ACVR2B: variants seen among roughly 807,000 people sequenced by gnomAD.
ACVR2B encodes the protein activin receptor type-2B.
ACVR2B carries 18 observed loss-of-function variants against 65.1 expected under a neutral mutation model. That is an observed-to-expected ratio of 0.28 (90% confidence interval 0.19 to 0.41). The LOEUF is 0.41. Ranked by LOEUF, ACVR2B falls within the 10% of genes least tolerant of loss-of-function variation. The probability of loss-of-function intolerance (pLI) is 1.00; values close to 1 mark genes in which losing one functional copy is unlikely to be tolerated. For missense variants in ACVR2B, 482 were observed against 682.7 expected, an observed-to-expected ratio of 0.71 and a Z score of 3.28; for synonymous variants, 298 against 277.7, an observed-to-expected ratio of 1.07 and a Z score of -0.73.
rs200501230 is a variant in ACVR2B, at chr3:38,479,695, C to A, written c.828C>A (p.Tyr276Ter). Residue 276 changes from tyrosine (Y) to a stop codon, truncating the protein, a stop_gained, in exon 7 of 11, where the codon TAC becomes TAA. Transcript: ENST00000352511. LOFTEE classifies it high-confidence loss of function. ...TCTCTCAGGGCTCCCTCACGGATTACCTCAAGGGGAACATCATCACATGGA... is the reference window on the plus strand; with the variant it reads ...TCTCTCAGGGCTCCCTCACGGATTAACTCAAGGGGAACATCATCACATGGA... ...AFHDKGSLTD[Y>*]LKGNIITWNE... 1 of 1,614,204 alleles carries A rather than the reference C, an allele frequency of 6.2e-7. No homozygotes were observed. Among genetic ancestry groups the A allele is most frequent in the Non-Finnish European group, 8.5e-7 (1 of 1,180,044 alleles).
In ACVR2B at chr3:38,486,729, T is replaced by C. The variant is rs1448675371; in HGVS notation, c.*3397T>C. 1 of 152,192 alleles carries C rather than the reference T, an allele frequency of 6.6e-6. No individual in the cohort carries two copies. The highest frequency in any genetic ancestry group is 2.4e-5 in the African/African-American group (1 of 41,418). 9.4% of individuals were successfully genotyped at this position (152,192 alleles called of 1,614,324 possible). A position where few individuals can be genotyped will look rare whatever the true frequency, so the allele number is the denominator to read the frequency against. On this transcript the variant is annotated 3_prime_UTR_variant, in exon 11 of 11. Coordinates refer to ENST00000352511, the MANE Select transcript of ACVR2B (RefSeq NM_001106.4). ...TTGCTTCTTCCTTTCTAGTGTGCTG[T>C]CATCCAAGCAGGCTCCTGGCTGTAG...
intron 1 of ACVR2B, 85 bp downstream of exon 1, chr3:38,454,459 G>C: frequency 1.8e-6 from 2 of 1,135,416 alleles, no homozygotes; most frequent in South Asian, 8.6e-5. Context: ...AACAAAGGGC[G>C]GGCCCGGGGC....
rs1407684578 is a variant in ACVR2B, at chr3:38,484,142, T to TTGCACCCCA, written c.*812_*813insCACCCCATG. ...AGCGGGGTTTGGAGAAAGTCTGAGA[T>TTGCACCCCA]TGGGTGCAGCCCTGACTTACCTGCT... On this transcript the variant is annotated 3_prime_UTR_variant, in exon 11 of 11. Transcript: ENST00000352511. 6.6e-6 allele frequency: 1 copy of TTGCACCCCA among 152,632 alleles called. No individual in the cohort carries two copies. Among genetic ancestry groups the TTGCACCCCA allele is most frequent in the Non-Finnish European group, 1.5e-5 (1 of 68,056 alleles). 9.5% of individuals were successfully genotyped at this position (152,632 alleles called of 1,614,324 possible). A position where few individuals can be genotyped will look rare whatever the true frequency, so the allele number is the denominator to read the frequency against.
chr3:38,483,428 C>T lies in ACVR2B; in HGVS notation c.*96C>T, dbSNP rs1710056032. The stretch of plus-strand genomic sequence containing the variant: ...TTGGAAATCCCATAAAACCAACAAA[C>T]ACATAAAATGCAGCTGCTATTTTAC... On this transcript the variant is annotated 3_prime_UTR_variant, in exon 11 of 11. Coordinates refer to ENST00000352511, the MANE Select transcript of ACVR2B (RefSeq NM_001106.4). This position sits in a 1 kb window ranked among gnomAD's most constrained non-coding sequence, Gnocchi z 4.8. The T allele has an allele frequency of 8.8e-7, 1 of 1,131,302 alleles. No individual in the cohort carries two copies. Among genetic ancestry groups the T allele is most frequent in the African/African-American group, 1.5e-5 (1 of 65,632 alleles). 70.1% of individuals were successfully genotyped at this position (1,131,302 alleles called of 1,614,324 possible).
chr3:38,472,780 C>T (rs964102318), intron 1 of ACVR2B, among the ~76,000 whole-genome samples: 4 of 152,174 alleles, frequency 2.6e-5, no homozygotes, highest in African/African-American at 9.7e-5. Context: ...GAACCATCTC[C>T]TCTTCTTTCT....
At chr3:38,455,432 G>C (rs7630264) in intron 1 of ACVR2B, among the ~76,000 whole-genome samples, 1,917 of 152,272 alleles carry the variant, frequency 0.013, 37 homozygotes, top group African/African-American at 0.042. Context: ...CGCCGCCCTC[G>C]GTGGCAGCCG....
Position 38,483,437 on chromosome 3 carries a change from T to C in ACVR2B, c.*105T>C. 1 of 929,836 alleles carries C rather than the reference T, an allele frequency of 1.1e-6. No individual in the cohort carries two copies. Among genetic ancestry groups the C allele is most frequent in the Non-Finnish European group, 1.7e-6 (1 of 585,208 alleles). The allele number at this position is 929,836 out of a possible 1,614,324, so 57.6% of individuals were successfully genotyped here. ...CCATAAAACCAACAAACACATAAAA[T>C]GCAGCTGCTATTTTACCTTGACTTT... On this transcript the variant is annotated 3_prime_UTR_variant, in exon 11 of 11. Transcript: ENST00000352511. This position sits in a 1 kb window ranked among gnomAD's most constrained non-coding sequence, Gnocchi z 4.8.
intron 7 of ACVR2B, among the ~76,000 whole-genome samples, chr3:38,480,253 C>G (rs1034848304): frequency 1.3e-5 from 2 of 152,146 alleles, no homozygotes; most frequent in Non-Finnish European, 2.9e-5. Context: ...ACTCTATGCT[C>G]CTAAGAGAAT....
At position 38,487,980 on chromosome 3, in the gene ACVR2B, A is replaced by G. The variant is rs1559659875; in HGVS notation, c.*4648A>G. On this transcript the variant is annotated 3_prime_UTR_variant, in exon 11 of 11. Coordinates refer to ENST00000352511, the MANE Select transcript of ACVR2B (RefSeq NM_001106.4). ...ATTCCCATTTCAGGGGCATCAGACC[A>G]TACCTTTTTAAGAAGCTCCGTGAAT... The G allele has an allele frequency of 6.6e-6, 1 of 152,204 alleles. No homozygotes were observed. Among genetic ancestry groups the G allele is most frequent in the Non-Finnish European group, 1.5e-5 (1 of 68,040 alleles). The allele number at this position is 152,204 out of a possible 1,614,324, so 9.4% of individuals were successfully genotyped here.
rs3016007 is a variant in ACVR2B, at chr3:38,453,918, G to A, written c.-405G>A. The A allele has an allele frequency of 4.0e-5, 6 of 148,722 alleles. No individual in the cohort carries two copies. The highest frequency in any genetic ancestry group is 7.4e-5 in the African/African-American group (3 of 40,602). The allele number at this position is 148,722 out of a possible 1,614,324, so 9.2% of individuals were successfully genotyped here. A position where few individuals can be genotyped will look rare whatever the true frequency, so the allele number is the denominator to read the frequency against. ...TCGGCTCCGTGGCCGCCGCTCAGGA[G>A]CCATTTTGGACTCGGTTCAGCTCCC... On this transcript the variant is annotated 5_prime_UTR_variant, in exon 1 of 11. Coordinates refer to ENST00000352511, the MANE Select transcript of ACVR2B (RefSeq NM_001106.4).
At position 38,477,212 on chromosome 3, in the gene ACVR2B, C is replaced by T. The variant is rs1709926666; in HGVS notation, c.53-75C>T. The T allele has an allele frequency of 6.4e-7, 1 of 1,572,518 alleles. No individual in the cohort carries two copies. Among genetic ancestry groups the T allele is most frequent in the Non-Finnish European group, 8.7e-7 (1 of 1,151,752 alleles). On this transcript the variant is annotated intron_variant, in intron 1 of 10. Transcript: ENST00000352511. The surrounding 1 kb of genome is among the most constrained non-coding windows in gnomAD (Gnocchi z 6.7). ...CTCCCTCCCTCAGGGTGGCCTGGCA[C>T]CCAGGACTGGGAGTAGGGGTTTGGG... is the stretch of plus-strand genomic sequence containing the variant.
At chr3:38,469,583 T>A (rs1709787154) in intron 1 of ACVR2B, among the ~76,000 whole-genome samples, 1 of 152,194 alleles carries the variant, frequency 6.6e-6, no homozygotes, top group Non-Finnish European at 1.5e-5. Flanking sequence ...AGCTTGGCAT[T>A]TATACCATCC....
chr3:38,459,944 A>AACG (rs1709615009), intron 1 of ACVR2B, among the ~76,000 whole-genome samples: 1 of 152,160 alleles, frequency 6.6e-6, no homozygotes, highest in Non-Finnish European at 1.5e-5. Context: ...TTGGCTAGGG[A>AACG]ACGCTTCTGT....
intron 1 of ACVR2B, among the ~76,000 whole-genome samples, chr3:38,467,176 G>A (rs920606624): frequency 3.9e-5 from 6 of 152,162 alleles, no homozygotes; most frequent in Non-Finnish European, 5.9e-5. Context: ...GGCTGGGTGC[G>A]GTGGCTCACG....
chr3:38,456,653 C>CT (rs1269312046), intron 1 of ACVR2B, among the ~76,000 whole-genome samples: 1 of 152,060 alleles, frequency 6.6e-6, no homozygotes, highest in Non-Finnish European at 1.5e-5. Context: ...TGAGGACCCT[C>CT]TTCCTGGCTT....
chr3:38,466,728 CT>C (rs562123801), intron 1 of ACVR2B, among the ~76,000 whole-genome samples: 1 of 152,222 alleles, frequency 6.6e-6, no homozygotes, highest in South Asian at 2.1e-4. Context: ...TGGTCTTGAA[CT>C]CCTGACCTCG....
chr3:38,486,514 T>C lies in ACVR2B; in HGVS notation c.*3182T>C, dbSNP rs1710123926. 6.6e-6 allele frequency: 1 copy of C among 152,232 alleles called. No individual in the cohort carries two copies. The highest frequency in any genetic ancestry group is 1.5e-5 in the Non-Finnish European group (1 of 68,058). The allele number at this position is 152,232 out of a possible 1,614,324, so 9.4% of individuals were successfully genotyped here. On this transcript the variant is annotated 3_prime_UTR_variant, in exon 11 of 11. Transcript: ENST00000352511. Reference sequence around the variant, plus strand: ...GGTCATAGAGCCTCTGCCTGTGCTCTTTTCCATAATGACTTCATGTGACAT... The same window carrying C: ...GGTCATAGAGCCTCTGCCTGTGCTCCTTTCCATAATGACTTCATGTGACAT...
intron 1 of ACVR2B, among the ~76,000 whole-genome samples, chr3:38,456,821 G>T (rs1040756835): frequency 6.6e-6 from 1 of 152,066 alleles, no homozygotes; most frequent in African/African-American, 2.4e-5. Flanking sequence ...CAAAGGTCCC[G>T]TCTCCAAATA....
At chr3:38,472,521 G>GTGGTGAGTGGCACTCCTTCTCACC (rs146406170) in intron 1 of ACVR2B, among the ~76,000 whole-genome samples, 39 of 152,230 alleles carry the variant, frequency 2.6e-4, no homozygotes, top group Non-Finnish European at 3.8e-4. Flanking sequence ...GATAGATGTA[G>GTGGTGAGTGGCACTCCTTCTCACC]TGGTGAGTGG....
Sources: gnomAD v4.1 joint callset for allele counts (sites outside exome capture counted in the v4.1 genomes callset) on GRCh38, gnomAD v4.1.1 for gene constraint, Gnocchi (gnomAD v3.1) non-coding constraint, MANE v1.5 for transcripts, NCBI Gene and HGNC (gene_info 2026-07-23, HGNC 2026-07-21) for gene names.